GALNT13: variants seen among roughly 807,000 people sequenced by gnomAD.
GALNT13 encodes the protein UDP-GalNAc:polypeptide N-acetylgalactosaminyltransferase 13.
Under a neutral mutation model 64.2 loss-of-function variants are expected in GALNT13, and 28 were observed. That is an observed-to-expected ratio of 0.44 (90% CI 0.32 to 0.60). The LOEUF (loss-of-function observed/expected upper bound fraction) is 0.60. Ranked by LOEUF, GALNT13 falls within the 20% of genes least tolerant of loss-of-function variation. The pLI, the probability that GALNT13 is intolerant of heterozygous loss-of-function variation, is 0.05. For missense variants in GALNT13, 577 were observed against 669.8 expected, an observed-to-expected ratio of 0.86 and a Z score of 1.53; for synonymous variants, 214 against 224.6, an observed-to-expected ratio of 0.95 and a Z score of 0.42.
the GALNT13 span, among the ~76,000 whole-genome samples, chr2:153,580,742 G>C: frequency 6.6e-6 from 1 of 152,108 alleles, no homozygotes; most frequent in African/African-American, 2.4e-5. Context: ...TGCTTAAAAA[G>C]AAACAACTAT....
the GALNT13 span, among the ~76,000 whole-genome samples, chr2:153,246,993 C>T: frequency 6.6e-6 from 1 of 152,040 alleles, no homozygotes; most frequent in Non-Finnish European, 1.5e-5. Context: ...GCAGGGGTTG[C>T]AATCCTAGTC....
chr2:153,691,128 A>C, the GALNT13 span, among the ~76,000 whole-genome samples: 1 of 152,158 alleles, frequency 6.6e-6, no homozygotes, highest in Non-Finnish European at 1.5e-5. Flanking sequence ...GTGGAGTACT[A>C]TAAGCAATGG....
the GALNT13 span, among the ~76,000 whole-genome samples, chr2:153,257,070 T>G: frequency 1.3e-5 from 2 of 152,196 alleles, no homozygotes; most frequent in East Asian, 3.9e-4. Flanking sequence ...GCCTTGCAAT[T>G]TGATCTCAGA....
At chr2:153,830,216 A>G in the GALNT13 span, among the ~76,000 whole-genome samples, 2 of 152,126 alleles carry the variant, frequency 1.3e-5, no homozygotes, top group African/African-American at 4.8e-5. Context: ...GCTTTTCAAA[A>G]TCTGCGTAAT....
the GALNT13 span, among the ~76,000 whole-genome samples, chr2:153,444,682 A>G: frequency 6.6e-6 from 1 of 152,236 alleles, no homozygotes; most frequent in Non-Finnish European, 1.5e-5. Context: ...TATCATATAA[A>G]TGAAATCATT....
the GALNT13 span, among the ~76,000 whole-genome samples, chr2:153,269,863 C>T: frequency 6.6e-6 from 1 of 152,072 alleles, no homozygotes; most frequent in Non-Finnish European, 1.5e-5. Context: ...ACCTTTAAAC[C>T]ATCAGATCTC....
At chr2:154,415,091 G>A (rs955130397) in intron 11 of GALNT13, among the ~76,000 whole-genome samples, 11 of 151,118 alleles carry the variant, frequency 7.3e-5, no homozygotes, top group Admixed American at 2.0e-4. Context: ...CTTGCACATA[G>A]GAGTTTGAGT....
the GALNT13 span, among the ~76,000 whole-genome samples, chr2:153,448,971 G>A: frequency 0.27 from 40,987 of 151,986 alleles, 7,075 homozygotes; most frequent in Non-Finnish European, 0.39. Context: ...CAGAGAGCGC[G>A]TGTGTGCACT....
the GALNT13 span, among the ~76,000 whole-genome samples, chr2:153,783,864 C>T: frequency 6.6e-6 from 1 of 152,190 alleles, no homozygotes; most frequent in Admixed American, 6.5e-5. Flanking sequence ...GCCTTCCCAG[C>T]CATGCTGAAC....
At chr2:153,103,517 T>C in the GALNT13 span, among the ~76,000 whole-genome samples, 2 of 152,206 alleles carry the variant, frequency 1.3e-5, no homozygotes, top group Non-Finnish European at 2.9e-5. Flanking sequence ...GTGAAGAATA[T>C]GGAATTTTAA....
intron 2 of GALNT13, among the ~76,000 whole-genome samples, chr2:153,931,438 C>T (rs1043031085): frequency 6.6e-6 from 1 of 151,528 alleles, no homozygotes; most frequent in South Asian, 2.1e-4. Flanking sequence ...TTAAGGAGAA[C>T]GTTTCCAGCT....
At chr2:153,945,808 A>G (rs955677685) in intron 3 of GALNT13, among the ~76,000 whole-genome samples, 2 of 152,246 alleles carry the variant, frequency 1.3e-5, no homozygotes, top group Admixed American at 1.3e-4. Context: ...TTTGCTTTAG[A>G]TTACAGAAAT....
At chr2:153,086,549 A>G in the GALNT13 span, among the ~76,000 whole-genome samples, 1 of 152,052 alleles carries the variant, frequency 6.6e-6, no homozygotes, top group East Asian at 1.9e-4. Context: ...TAAGATGTGA[A>G]TTTCCTTCTC....
the GALNT13 span, among the ~76,000 whole-genome samples, chr2:153,716,612 A>T: frequency 2.0e-5 from 3 of 152,148 alleles, no homozygotes; most frequent in African/African-American, 7.2e-5. Context: ...TTTTAATTGT[A>T]TTGTTGCAGT....
chr2:153,346,632 C>G, the GALNT13 span, among the ~76,000 whole-genome samples: 1 of 152,090 alleles, frequency 6.6e-6, no homozygotes, highest in African/African-American at 2.4e-5. Flanking sequence ...CCAAAGTGTT[C>G]TTAATATAGA....
chr2:153,832,322 G>A, the GALNT13 span, among the ~76,000 whole-genome samples: 11 of 152,130 alleles, frequency 7.2e-5, no homozygotes, highest in Non-Finnish European at 1.5e-4. Context: ...TATTGGTGAT[G>A]ATCTGTGAAG....
At chr2:154,064,405 C>T (rs1423708550) in intron 3 of GALNT13, among the ~76,000 whole-genome samples, 4 of 152,086 alleles carry the variant, frequency 2.6e-5, no homozygotes, top group Non-Finnish European at 5.9e-5. Flanking sequence ...GCCAGGGTGG[C>T]CTAGGGAATG....
chr2:153,336,607 TA>T, the GALNT13 span, among the ~76,000 whole-genome samples: 3 of 152,202 alleles, frequency 2.0e-5, no homozygotes, highest in East Asian at 5.8e-4. Flanking sequence ...AGGAAGTAAC[TA>T]GCTTGCTTTT....
chr2:153,643,669 T>C, the GALNT13 span, among the ~76,000 whole-genome samples: 1 of 152,012 alleles, frequency 6.6e-6, no homozygotes, highest in South Asian at 2.1e-4. Flanking sequence ...GACATGTAAG[T>C]CTGATCTCAT....
Sources: gnomAD v4.1 joint callset for allele counts (sites outside exome capture counted in the v4.1 genomes callset) on GRCh38, gnomAD v4.1.1 for gene constraint, MANE v1.5 for transcripts, NCBI Gene and HGNC (gene_info 2026-07-23, HGNC 2026-07-21) for gene names.